FBN2: variants seen among roughly 807,000 people sequenced by gnomAD.
FBN2 encodes fibrillin-2.
In FBN2, 105 loss-of-function variants were observed where a neutral mutation model predicts 355.6. The observed-to-expected ratio is 0.30, with a 90% confidence interval of 0.25 to 0.35. The LOEUF (loss-of-function observed/expected upper bound fraction) is 0.35. Ranked by LOEUF, FBN2 falls within the 10% of genes least tolerant of loss-of-function variation. The pLI, the probability that FBN2 is intolerant of heterozygous loss-of-function variation, is 1.00. For synonymous variants in FBN2, 1,350 were observed against 1,301.2 expected (o/e 1.04, Z -0.81); for missense variants, 3,280 against 3,758.7 (o/e 0.87, Z 3.33).
chr5:128,461,669 C>G (rs2127079676), intron 6 of FBN2, among the ~76,000 whole-genome samples: 1 of 152,146 alleles, frequency 6.6e-6, no homozygotes, highest in Admixed American at 6.5e-5. Context: ...TACTATGCAA[C>G]CATAAAAGGG....
chr5:128,406,045 A>G (rs763519875), intron 8 of FBN2, among the ~76,000 whole-genome samples: 2 of 152,230 alleles, frequency 1.3e-5, no homozygotes, highest in African/African-American at 4.8e-5. Flanking sequence ...GTGCATAAAC[A>G]TATTATTTTC....
intron 7 of FBN2, among the ~76,000 whole-genome samples, chr5:128,416,776 T>G (rs1753211962): frequency 6.6e-6 from 1 of 152,186 alleles, no homozygotes; most frequent in African/African-American, 2.4e-5. Context: ...TATGCAAGTA[T>G]CATGCTGTTT....
chr5:128,296,821 T>C (rs996946170), intron 48 of FBN2, among the ~76,000 whole-genome samples: 27 of 152,140 alleles, frequency 1.8e-4, no homozygotes, highest in African/African-American at 6.5e-4. Flanking sequence ...GAAGGGTTTT[T>C]TGTGTCTCTA....
intron 2 of FBN2, among the ~76,000 whole-genome samples, chr5:128,533,316 T>G (rs1221896029): frequency 6.6e-6 from 1 of 152,166 alleles, no homozygotes; most frequent in African/African-American, 2.4e-5. Flanking sequence ...GAAGGTTTGA[T>G]GGGCTGGAGA....
intron 20 of FBN2, among the ~76,000 whole-genome samples, chr5:128,351,975 A>G (rs955114237): frequency 2.0e-5 from 3 of 152,126 alleles, no homozygotes; most frequent in African/African-American, 7.2e-5. Context: ...GATATTTAAG[A>G]TTTTATCGTA....
chr5:128,406,837 G>A (rs963699327), intron 8 of FBN2, among the ~76,000 whole-genome samples: 4 of 152,176 alleles, frequency 2.6e-5, no homozygotes, highest in South Asian at 2.1e-4. Context: ...AAGTGAAACC[G>A]TGGATAAGGG....
intron 34 of FBN2, among the ~76,000 whole-genome samples, chr5:128,326,161 T>G (rs1415073338): frequency 6.6e-6 from 1 of 152,234 alleles, no homozygotes; most frequent in Non-Finnish European, 1.5e-5. Flanking sequence ...TTTCAAGAGC[T>G]TCTATCTACT....
At chr5:128,261,684 A>T in intron 64 of FBN2, 52 bp downstream of exon 64, 1 of 1,567,824 alleles carries the variant, frequency 6.4e-7, no homozygotes, top group Non-Finnish European at 8.8e-7. Flanking sequence ...CACTGTATAC[A>T]TGACTCCGTA....
intron 5 of FBN2, among the ~76,000 whole-genome samples, chr5:128,473,001 G>A (rs912815724): frequency 1.3e-5 from 2 of 152,108 alleles, no homozygotes; most frequent in African/African-American, 2.4e-5. Flanking sequence ...ATTCACGTGC[G>A]ACATTGACCA....
At chr5:128,533,591 A>G (rs747605214) in intron 2 of FBN2, among the ~76,000 whole-genome samples, 2 of 152,182 alleles carry the variant, frequency 1.3e-5, no homozygotes, top group Non-Finnish European at 2.9e-5. Context: ...AGTACCCAAA[A>G]GGTCTGAAGT....
chr5:128,448,886 A>T (rs369582778), intron 6 of FBN2, among the ~76,000 whole-genome samples: 1 of 152,132 alleles, frequency 6.6e-6, no homozygotes, highest in Non-Finnish European at 1.5e-5. Flanking sequence ...CATTGAAATT[A>T]TCATCCTATC....
intron 7 of FBN2, among the ~76,000 whole-genome samples, chr5:128,422,466 G>C (rs1265066202): frequency 1.3e-5 from 2 of 152,122 alleles, no homozygotes; most frequent in Non-Finnish European, 2.9e-5. Context: ...CTAAAGAGTT[G>C]AAAGAGTGGT....
rs778329583 is a variant in FBN2, at chr5:128,280,345, T to C, written c.7013-28A>G. 5.7e-6 allele frequency: 9 copies of C among 1,570,118 alleles called. No individual in the cohort carries two copies. In the African/African-American group the frequency reaches 6.7e-5, roughly 12 times the overall value. ...TTAGAAAAACAAACAATATGAATAA[T>C]GAGAAAACTGTCAAATTATAGTTTA... On this transcript the variant is annotated intron_variant, in intron 55 of 64. Transcript: ENST00000262464.
intron 19 of FBN2, among the ~76,000 whole-genome samples, chr5:128,359,896 A>G (rs1364046170): frequency 6.6e-6 from 1 of 152,072 alleles, no homozygotes; most frequent in Non-Finnish European, 1.5e-5. Context: ...TCTATAAATA[A>G]TCATTGATAA....
intron 19 of FBN2, 23 bp from the exon 20 acceptor site, chr5:128,357,418 T>A: frequency 6.2e-7 from 1 of 1,613,598 alleles, no homozygotes; most frequent in Non-Finnish European, 8.5e-7. Context: ...AGGAAAAGAT[T>A]CTGTTAGAAC....
In FBN2 at chr5:128,393,168, C is replaced by T. The variant is rs1581260149; in HGVS notation, c.1432G>A (p.Ala478Thr). ...GTGATGATAGGTCCCTGTCCCCCGG[C>T]CCCCACACCGGCTCCCCCAACGCCA... ...SPGVGGAGVGAGGQGPIITGL... is the reference protein window; with the variant it reads ...SPGVGGAGVGTGGQGPIITGL... Residue 478 changes from alanine to threonine, a missense_variant, in exon 10 of 65, where the codon GCC becomes ACC. Ala to Thr is a moderately conservative substitution (Grantham distance 58). This residue lies in a region of FBN2 where 343 missense variants were observed against 331.0 expected (regional missense o/e 1.04). Transcript: ENST00000262464. 3 of 1,614,058 alleles carry T rather than the reference C, an allele frequency of 1.9e-6. No homozygotes were observed. Among genetic ancestry groups the T allele is most frequent in the Non-Finnish European group, 2.5e-6 (3 of 1,179,924 alleles).
intron 7 of FBN2, among the ~76,000 whole-genome samples, chr5:128,436,205 C>T (rs1218005932): frequency 6.6e-6 from 1 of 152,122 alleles, no homozygotes; most frequent in Non-Finnish European, 1.5e-5. Context: ...GCTCATTTTG[C>T]CTCGTATGTC....
intron 8 of FBN2, among the ~76,000 whole-genome samples, chr5:128,397,654 G>C (rs1488062897): frequency 6.6e-6 from 1 of 152,068 alleles, no homozygotes; most frequent in African/African-American, 2.4e-5. Flanking sequence ...AAAATATCCT[G>C]GATAAAATGT....
At chr5:128,284,208 T>A (rs575519688) in intron 55 of FBN2, among the ~76,000 whole-genome samples, 1 of 152,312 alleles carries the variant, frequency 6.6e-6, no homozygotes, top group African/African-American at 2.4e-5. Context: ...TCATGTGAAT[T>A]TTTTAATTTA....
Sources: gnomAD v4.1 joint callset for allele counts (sites outside exome capture counted in the v4.1 genomes callset) on GRCh38, gnomAD v4.1.1 for gene constraint, gnomAD v4.1.1 regional missense constraint, MANE v1.5 for transcripts, NCBI Gene and HGNC (gene_info 2026-07-23, HGNC 2026-07-21) for gene names.